SCIN: variants seen among roughly 807,000 people sequenced by gnomAD.
SCIN encodes the protein scinderin.
Under a neutral mutation model 91.8 loss-of-function variants are expected in SCIN, and 91 were observed. That is an observed-to-expected ratio of 0.99 (90% CI 0.84 to 1.18). The LOEUF (loss-of-function observed/expected upper bound fraction) is 1.18. Among genes scored for constraint, SCIN ranks in the 50% most tolerant of loss-of-function variants. SCIN has a pLI of 0.00. For missense variants in SCIN, 1,087 were observed against 863.9 expected, an observed-to-expected ratio of 1.26 and a Z score of -3.24; for synonymous variants, 367 against 312.6, an observed-to-expected ratio of 1.17 and a Z score of -1.84.
At chr7:12,601,922 G>T (rs1228277123) in intron 3 of SCIN, among the ~76,000 whole-genome samples, 1 of 152,144 alleles carries the variant, frequency 6.6e-6, no homozygotes, top group Non-Finnish European at 1.5e-5. Context: ...CAGGACTCAT[G>T]CAATGACATT....
At chr7:12,582,632 C>T (rs1004743825) in intron 3 of SCIN, among the ~76,000 whole-genome samples, 4 of 152,164 alleles carry the variant, frequency 2.6e-5, no homozygotes, top group African/African-American at 9.7e-5. Context: ...CAATAAATTT[C>T]ATGGGAAAGT....
chr7:12,608,471 G>A (rs1783125942), intron 4 of SCIN, among the ~76,000 whole-genome samples: 1 of 151,948 alleles, frequency 6.6e-6, no homozygotes, highest in African/African-American at 2.4e-5. Context: ...TTTAAATTGA[G>A]GTTTTATTTA....
intron 1 of SCIN, among the ~76,000 whole-genome samples, chr7:12,574,558 G>A (rs189016427): frequency 3.9e-4 from 59 of 152,126 alleles, no homozygotes; most frequent in African/African-American, 9.9e-4. Context: ...GAGAAAATAC[G>A]AATAAAATAG....
At chr7:12,632,681 G>T (rs1444485371) in intron 9 of SCIN, among the ~76,000 whole-genome samples, 1 of 152,150 alleles carries the variant, frequency 6.6e-6, no homozygotes, top group East Asian at 1.9e-4. Flanking sequence ...TGGGTTTCTG[G>T]TCTGAGCATA....
At chr7:12,639,323 T>G (rs1306243360) in intron 10 of SCIN, among the ~76,000 whole-genome samples, 1 of 152,268 alleles carries the variant, frequency 6.6e-6, no homozygotes, top group Non-Finnish European at 1.5e-5. Flanking sequence ...TGCTGCTCAC[T>G]TATTTGAATG....
intron 1 of SCIN, among the ~76,000 whole-genome samples, chr7:12,573,598 C>G (rs1029639346): frequency 3.9e-5 from 6 of 152,178 alleles, no homozygotes; most frequent in Admixed American, 6.5e-5. Flanking sequence ...ATTAGCCCTT[C>G]TTTAAAAACA....
chr7:12,606,049 A>G (rs1469006057), intron 4 of SCIN, among the ~76,000 whole-genome samples: 9 of 152,196 alleles, frequency 5.9e-5, no homozygotes, highest in Non-Finnish European at 1.0e-4. Context: ...GAGTATAACT[A>G]TATTAAGATG....
intron 1 of SCIN, among the ~76,000 whole-genome samples, chr7:12,573,676 A>C (rs1488342941): frequency 2.0e-5 from 3 of 152,168 alleles, no homozygotes; most frequent in Admixed American, 2.0e-4. Flanking sequence ...TATAGCACCA[A>C]ATCAATGGGT....
intron 13 of SCIN, among the ~76,000 whole-genome samples, chr7:12,646,629 T>C (rs375939747): frequency 3.3e-5 from 5 of 152,314 alleles, no homozygotes; most frequent in South Asian, 2.1e-4. Context: ...AAAAAAGTTA[T>C]ACTTTCTCTG....
At chr7:12,592,447 G>A (rs545206910) in intron 3 of SCIN, among the ~76,000 whole-genome samples, 1 of 152,202 alleles carries the variant, frequency 6.6e-6, no homozygotes, top group African/African-American at 2.4e-5. Context: ...GAGAGATGGG[G>A]TATTGAGGAA....
chr7:12,649,126 G>A (rs1228126078), intron 13 of SCIN, among the ~76,000 whole-genome samples: 1 of 152,092 alleles, frequency 6.6e-6, no homozygotes, highest in Non-Finnish European at 1.5e-5. Flanking sequence ...CAGAAAAAAA[G>A]ACAAAAGCTC....
In SCIN at chr7:12,652,830, G is replaced by A. The variant is rs1250297487; in HGVS notation, c.*115G>A. 38 of 1,329,900 alleles carry A rather than the reference G, an allele frequency of 2.9e-5. No individual in the cohort carries two copies. Among genetic ancestry groups the A allele is most frequent in the Admixed American group, 7.1e-5 (3 of 42,354 alleles). The allele number at this position is 1,329,900 out of a possible 1,614,324, so 82.4% of individuals were successfully genotyped here. Reference sequence around the variant, plus strand: ...TGTCTTTTGAAAATTAAGGCTGGGCGCGGTGGCTCACACCTGTAATCCCAG... The same window carrying A: ...TGTCTTTTGAAAATTAAGGCTGGGCACGGTGGCTCACACCTGTAATCCCAG... On this transcript the variant is annotated 3_prime_UTR_variant, in exon 16 of 16. Transcript: ENST00000297029.
intron 2 of SCIN, 139 bp from the exon 3 acceptor site, chr7:12,580,921 G>T: frequency 1.4e-6 from 1 of 697,040 alleles, no homozygotes; most frequent in Non-Finnish European, 2.3e-6. Flanking sequence ...TTATGGAATA[G>T]GTGGCTATTT....
At chr7:12,593,086 T>C (rs1218926875) in intron 3 of SCIN, among the ~76,000 whole-genome samples, 1 of 152,216 alleles carries the variant, frequency 6.6e-6, no homozygotes, top group Non-Finnish European at 1.5e-5. Context: ...ACAGTCAGAC[T>C]TCCAGTGCCC....
chr7:12,579,705 C>G (rs1256652698), intron 2 of SCIN, among the ~76,000 whole-genome samples: 2 of 152,136 alleles, frequency 1.3e-5, no homozygotes, highest in African/African-American at 4.8e-5. Flanking sequence ...CACCTGAGGT[C>G]AGAAGTTTGA....
chr7:12,656,010 T>C lies in SCIN; in HGVS notation c.*3295T>C, dbSNP rs1180462365. On this transcript the variant is annotated 3_prime_UTR_variant, in exon 16 of 16. Transcript: ENST00000297029. ...ATTTACCTCTTGGTGCCGGAGAGCC[T>C]TGGTGAGCCATTTAGATCCTCTGTA... The C allele has an allele frequency of 6.6e-6, 1 of 152,228 alleles. No individual in the cohort carries two copies. Among genetic ancestry groups the C allele is most frequent in the East Asian group, 1.9e-4 (1 of 5,202 alleles). The allele number at this position is 152,228 out of a possible 1,614,324, so 9.4% of individuals were successfully genotyped here.
chr7:12,586,457 A>T (rs1782588754), intron 3 of SCIN, among the ~76,000 whole-genome samples: 2 of 152,182 alleles, frequency 1.3e-5, no homozygotes, highest in African/African-American at 4.8e-5. Flanking sequence ...GGATGCCGAG[A>T]AAAGGGAACT....
chr7:12,598,364 ATAAC>A (rs1782884785), intron 3 of SCIN, among the ~76,000 whole-genome samples: 1 of 152,120 alleles, frequency 6.6e-6, no homozygotes, highest in South Asian at 2.1e-4. Context: ...TGAAGTAGTC[ATAAC>A]TAACTACCTC....
At chr7:12,595,036 GGAGA>G (rs149702696) in intron 3 of SCIN, among the ~76,000 whole-genome samples, 1 of 151,594 alleles carries the variant, frequency 6.6e-6, no homozygotes, top group Non-Finnish European at 1.5e-5. Flanking sequence ...AGGGATGATA[GGAGA>G]GAGAGAGAGA....
Sources: gnomAD v4.1 joint callset for allele counts (sites outside exome capture counted in the v4.1 genomes callset) on GRCh38, gnomAD v4.1.1 for gene constraint, MANE v1.5 for transcripts, NCBI Gene and HGNC (gene_info 2026-07-23, HGNC 2026-07-21) for gene names.